PRKN: variants seen among roughly 807,000 people sequenced by gnomAD.
PRKN encodes E3 ubiquitin-protein ligase parkin.
Under a neutral mutation model 59.5 loss-of-function variants are expected in PRKN, and 56 were observed. The observed-to-expected ratio is 0.94, with a 90% CI of 0.76 to 1.18. The LOEUF (loss-of-function observed/expected upper bound fraction) is 1.18. Among genes scored for constraint, PRKN ranks in the 50% most tolerant of loss-of-function variants. The pLI, the probability that PRKN is intolerant of heterozygous loss-of-function variation, is 0.00. For missense variants in PRKN, 657 were observed against 596.4 expected (o/e 1.10, Z -1.06); for synonymous variants, 250 against 222.1 (o/e 1.13, Z -1.12).
intron 2 of PRKN, among the ~76,000 whole-genome samples, chr6:162,433,656 C>A (rs1274865469): frequency 6.6e-6 from 1 of 152,030 alleles, no homozygotes; most frequent in Non-Finnish European, 1.5e-5. Context: ...TTCTTAGTGT[C>A]CAAGGTTTAA....
At chr6:161,375,341 C>T (rs1783078491) in intron 10 of PRKN, among the ~76,000 whole-genome samples, 1 of 152,140 alleles carries the variant, frequency 6.6e-6, no homozygotes, top group Non-Finnish European at 1.5e-5. Context: ...GAGCCCCAGC[C>T]CCAGGTCTGC....
At chr6:162,649,229 A>G (rs1277088916) in intron 1 of PRKN, among the ~76,000 whole-genome samples, 1 of 152,232 alleles carries the variant, frequency 6.6e-6, no homozygotes, top group African/African-American at 2.4e-5. Flanking sequence ...AGATGCAGGT[A>G]ATATAACCAT....
intron 7 of PRKN, among the ~76,000 whole-genome samples, chr6:161,751,620 C>T (rs1236000223): frequency 6.6e-6 from 1 of 152,134 alleles, no homozygotes; most frequent in Non-Finnish European, 1.5e-5. Flanking sequence ...CTTACATAAT[C>T]CAAGTGATAA....
chr6:162,407,652 C>T (rs1788138953), intron 2 of PRKN, among the ~76,000 whole-genome samples: 2 of 152,210 alleles, frequency 1.3e-5, no homozygotes, highest in South Asian at 4.2e-4. Context: ...ATTCTTATCA[C>T]CTGCTAGTCA....
chr6:161,790,170 T>A (rs970673098), intron 6 of PRKN, among the ~76,000 whole-genome samples: 2 of 152,296 alleles, frequency 1.3e-5, no homozygotes, highest in South Asian at 2.1e-4. Context: ...GAACTTGAAT[T>A]GAATTTAAAG....
At chr6:162,072,429 G>A (rs1778617904) in intron 4 of PRKN, among the ~76,000 whole-genome samples, 1 of 152,186 alleles carries the variant, frequency 6.6e-6, no homozygotes, top group African/African-American at 2.4e-5. Context: ...GCGGGAAGAA[G>A]TAGTATTCTG....
chr6:161,564,521 C>T (rs139185785), intron 8 of PRKN, among the ~76,000 whole-genome samples: 70 of 152,320 alleles, frequency 4.6e-4, no homozygotes, highest in Admixed American at 8.5e-4. Flanking sequence ...CTAACTGAAA[C>T]AGGCGTGTCC....
At chr6:161,854,802 C>T (rs1182473624) in intron 6 of PRKN, among the ~76,000 whole-genome samples, 2 of 151,940 alleles carry the variant, frequency 1.3e-5, no homozygotes, top group African/African-American at 2.4e-5. Context: ...AAGTGGTTCT[C>T]GGCCGGGCGC....
intron 1 of PRKN, among the ~76,000 whole-genome samples, chr6:162,527,646 A>T (rs1178872810): frequency 6.6e-6 from 1 of 152,202 alleles, no homozygotes; most frequent in Admixed American, 6.5e-5. Flanking sequence ...ATAAAAAACA[A>T]ATCTGCTATC....
chr6:162,072,715 C>T lies in PRKN; in HGVS notation c.535-18541G>A, dbSNP rs189298386. Reference sequence around the variant, plus strand: ...GTTTTGTGCTTTGGTATCAGAATGACTGGGTTTCGAATCTAATGGCCACTA... The same window carrying T: ...GTTTTGTGCTTTGGTATCAGAATGATTGGGTTTCGAATCTAATGGCCACTA... On this transcript the variant is annotated intron_variant, in intron 4 of 11. Transcript: ENST00000366898. 5.3e-5 allele frequency among the ~76,000 whole-genome samples: 8 copies of T among 152,230 alleles called. No homozygotes were observed. The East Asian group carries it at 1.5e-3, about 29-fold the overall frequency.
intron 4 of PRKN, among the ~76,000 whole-genome samples, chr6:162,098,968 T>G (rs898873044): frequency 9.9e-5 from 15 of 152,166 alleles, no homozygotes; most frequent in Admixed American, 8.5e-4. Flanking sequence ...CCGTTACACT[T>G]GACATTTTCA....
At chr6:161,452,084 T>A (rs1298391933) in intron 9 of PRKN, among the ~76,000 whole-genome samples, 4 of 151,248 alleles carry the variant, frequency 2.6e-5, no homozygotes, top group Non-Finnish European at 5.9e-5. Context: ...GCCTCCTGAG[T>A]AGCTGGGATT....
chr6:161,352,727 G>GTGTGTGTA lies in PRKN; in HGVS notation c.1286-2517_1286-2516insTACACACA, dbSNP rs201803236. Reference sequence around the variant, plus strand: ...ATATAAACACAAATATGTATGAAGAGTGTGTGTGTGTGTGTGTGTGTGTGT... The same window carrying GTGTGTGTA: ...ATATAAACACAAATATGTATGAAGAGTGTGTGTATGTGTGTGTGTGTGTGTGTGTGTGT... On this transcript the variant is annotated intron_variant, in intron 11 of 11. Coordinates refer to ENST00000366898, the MANE Select transcript of PRKN (RefSeq NM_004562.3). The surrounding 1 kb of genome is among the most constrained non-coding windows in gnomAD (Gnocchi z 5.8). Among the ~76,000 whole-genome samples, 356 of 62,442 alleles carry GTGTGTGTA rather than the reference G, an allele frequency of 5.7e-3. 8 individuals carry two copies. The highest frequency in any genetic ancestry group is 0.017 in the South Asian group (32 of 1,876). The allele number at this position is 62,442 out of a possible 152,430, so 41.0% of individuals were successfully genotyped here.
chr6:161,973,024 TA>T (rs1780884014), intron 6 of PRKN, among the ~76,000 whole-genome samples: 1 of 152,226 alleles, frequency 6.6e-6, no homozygotes, highest in African/African-American at 2.4e-5. Flanking sequence ...CAACTAAGAT[TA>T]CATACACTAT....
intron 7 of PRKN, among the ~76,000 whole-genome samples, chr6:161,760,591 G>T (rs1224578421): frequency 6.6e-6 from 1 of 151,958 alleles, no homozygotes; most frequent in Non-Finnish European, 1.5e-5. Flanking sequence ...GGCCTAGCGA[G>T]AGTCCCTGTT....
rs151100646 is a variant in PRKN, at chr6:162,364,202, A to G, written c.171+79108T>C. Among the ~76,000 whole-genome samples the G allele has an allele frequency of 2.7e-3, 410 of 152,318 alleles. 1 individual carries two copies. Among genetic ancestry groups the G allele is most frequent in the African/African-American group, 8.8e-3 (367 of 41,580 alleles). ...TCACTGGTATGATTCAAGAATATAAATAACTGGTATTCAATGTATCCAAAA... is the reference window on the plus strand; with the variant it reads ...TCACTGGTATGATTCAAGAATATAAGTAACTGGTATTCAATGTATCCAAAA... On this transcript the variant is annotated intron_variant, in intron 2 of 11. Coordinates refer to ENST00000366898, the MANE Select transcript of PRKN (RefSeq NM_004562.3).
At chr6:162,683,690 C>T (rs927386165) in intron 1 of PRKN, among the ~76,000 whole-genome samples, 1 of 152,084 alleles carries the variant, frequency 6.6e-6, no homozygotes, top group Non-Finnish European at 1.5e-5. Context: ...AACAATTCCT[C>T]CAACATGCAG....
chr6:162,428,605 C>T (rs957410536), intron 2 of PRKN, among the ~76,000 whole-genome samples: 1 of 152,152 alleles, frequency 6.6e-6, no homozygotes, highest in Admixed American at 6.6e-5. Flanking sequence ...CTCACATAGC[C>T]AAGTATCAAT....
At chr6:161,570,345 T>G (rs1780842178) in intron 7 of PRKN, among the ~76,000 whole-genome samples, 1 of 147,186 alleles carries the variant, frequency 6.8e-6, no homozygotes, top group Non-Finnish European at 1.5e-5. Flanking sequence ...ATATATATAT[T>G]TATATATAAT....
Sources: allele counts gnomAD v4.1 joint callset (sites outside exome capture counted in the v4.1 genomes callset), GRCh38; gene constraint gnomAD v4.1.1; non-coding constraint Gnocchi (gnomAD v3.1); transcripts MANE v1.5; gene names NCBI Gene and HGNC (gene_info 2026-07-23, HGNC 2026-07-21).